NOS1AP: variants seen among roughly 807,000 people sequenced by gnomAD.
NOS1AP encodes the protein carboxyl-terminal PDZ ligand of neuronal nitric oxide synthase protein.
A neutral mutation model predicts 56.2 loss-of-function variants in NOS1AP; 21 were observed. The observed-to-expected ratio is 0.37, with a 90% CI of 0.26 to 0.54. NOS1AP has a LOEUF of 0.54. Ranked by LOEUF, NOS1AP falls within the 20% of genes least tolerant of loss-of-function variation. The probability of loss-of-function intolerance (pLI) is 0.84; values close to 1 mark genes in which losing one functional copy is unlikely to be tolerated. For missense variants in NOS1AP, 522 were observed against 657.8 expected (o/e 0.79, Z 2.26); for synonymous variants, 270 against 274.6 (o/e 0.98, Z 0.17).
chr1:162,255,373 C>T (rs889496442), intron 2 of NOS1AP, among the ~76,000 whole-genome samples: 2 of 152,140 alleles, frequency 1.3e-5, no homozygotes, highest in African/African-American at 4.8e-5. Context: ...GTGTCCTAGA[C>T]TCTTCCCCAA....
intron 4 of NOS1AP, among the ~76,000 whole-genome samples, chr1:162,331,465 C>G (rs1277815073): frequency 6.6e-6 from 1 of 152,122 alleles, no homozygotes; most frequent in Non-Finnish European, 1.5e-5. Context: ...ACTATTCTAC[C>G]TCCTCAATAA....
chr1:162,098,636 A>G (rs1488084233), intron 1 of NOS1AP, among the ~76,000 whole-genome samples: 1 of 151,992 alleles, frequency 6.6e-6, no homozygotes, highest in Non-Finnish European at 1.5e-5. Context: ...CCTAGCATCC[A>G]CGAGCTATTC....
At chr1:162,235,411 T>C (rs935815038) in intron 2 of NOS1AP, among the ~76,000 whole-genome samples, 1 of 152,160 alleles carries the variant, frequency 6.6e-6, no homozygotes, top group African/African-American at 2.4e-5. Context: ...AGCATGAGCC[T>C]TTGTTGCCTT....
intron 2 of NOS1AP, among the ~76,000 whole-genome samples, chr1:162,266,599 G>T (rs1247804106): frequency 4.6e-5 from 7 of 152,096 alleles, no homozygotes; most frequent in Non-Finnish European, 8.8e-5. Context: ...TTGCATTCTG[G>T]TTCATGGTCT....
chr1:162,132,037 C>A (rs981233561), intron 1 of NOS1AP, among the ~76,000 whole-genome samples: 4 of 152,268 alleles, frequency 2.6e-5, no homozygotes, highest in African/African-American at 9.6e-5. Flanking sequence ...AAATGACTAT[C>A]AAGAAATCTA....
chr1:162,127,904 AG>A (rs565541320), intron 1 of NOS1AP, among the ~76,000 whole-genome samples: 53 of 152,344 alleles, frequency 3.5e-4, no homozygotes, highest in Admixed American at 4.6e-4. Context: ...ACTAAGAATA[AG>A]AACAAACCTC....
chr1:162,091,924 C>T (rs1012964071), intron 1 of NOS1AP, among the ~76,000 whole-genome samples: 2 of 152,102 alleles, frequency 1.3e-5, no homozygotes, highest in Non-Finnish European at 2.9e-5. Flanking sequence ...GCAGAATATA[C>T]AGGAAGAATC....
intron 2 of NOS1AP, among the ~76,000 whole-genome samples, chr1:162,256,701 G>A (rs1468396218): frequency 1.3e-5 from 2 of 152,188 alleles, no homozygotes; most frequent in African/African-American, 4.8e-5. Flanking sequence ...ACTCAAATGT[G>A]TAGCATATAT....
chr1:162,304,067 T>C (rs990598313), intron 4 of NOS1AP, among the ~76,000 whole-genome samples: 5 of 152,190 alleles, frequency 3.3e-5, no homozygotes, highest in Admixed American at 2.0e-4. Context: ...TTTTTCTGTT[T>C]TCTTCTAAAG....
intron 4 of NOS1AP, among the ~76,000 whole-genome samples, chr1:162,326,125 G>A (rs1185205203): frequency 6.6e-6 from 1 of 152,232 alleles, no homozygotes; most frequent in Non-Finnish European, 1.5e-5. Context: ...AAGGTTGAGA[G>A]AAGGAAAATA....
chr1:162,085,367 C>T (rs973283066), intron 1 of NOS1AP, among the ~76,000 whole-genome samples: 1 of 151,902 alleles, frequency 6.6e-6, no homozygotes, highest in Non-Finnish European at 1.5e-5. Flanking sequence ...TGGGAGCCTC[C>T]CCAGATAATT....
chr1:162,207,061 T>C (rs1219610754), intron 2 of NOS1AP, among the ~76,000 whole-genome samples: 2 of 152,214 alleles, frequency 1.3e-5, no homozygotes, highest in Non-Finnish European at 2.9e-5. Flanking sequence ...AGAAAAGCAG[T>C]CGCCAGTGGG....
intron 2 of NOS1AP, among the ~76,000 whole-genome samples, chr1:162,234,112 G>T (rs114957981): frequency 6.6e-6 from 1 of 152,264 alleles, no homozygotes; most frequent in Non-Finnish European, 1.5e-5. Context: ...AATGTGATTG[G>T]GCCCAGGAGA....
chr1:162,223,893 T>C (rs973012745), intron 2 of NOS1AP, among the ~76,000 whole-genome samples: 2 of 152,204 alleles, frequency 1.3e-5, no homozygotes, highest in African/African-American at 2.4e-5. Context: ...TGCATATGTA[T>C]GTATATATAA....
intron 2 of NOS1AP, among the ~76,000 whole-genome samples, chr1:162,195,879 G>A (rs28379491): frequency 0.058 from 8,885 of 152,242 alleles, 274 homozygotes; most frequent in Middle Eastern, 0.099. Flanking sequence ...AGCTTCTGGA[G>A]AGAAGTCATA....
At chr1:162,218,195 G>A (rs1353153920) in intron 2 of NOS1AP, among the ~76,000 whole-genome samples, 1 of 152,116 alleles carries the variant, frequency 6.6e-6, no homozygotes, top group Non-Finnish European at 1.5e-5. Flanking sequence ...AAGCAGTTCC[G>A]GGACTTAAAA....
intron 6 of NOS1AP, among the ~76,000 whole-genome samples, chr1:162,352,208 T>A (rs7539260): frequency 6.6e-6 from 1 of 152,000 alleles, no homozygotes; most frequent in Non-Finnish European, 1.5e-5. Flanking sequence ...TACAGGCATG[T>A]ACCACCATGC....
chr1:162,223,755 G>T (rs1011628583), intron 2 of NOS1AP, among the ~76,000 whole-genome samples: 3 of 152,104 alleles, frequency 2.0e-5, no homozygotes, highest in African/African-American at 4.8e-5. Flanking sequence ...CAAAGCATGC[G>T]CCTTGCAGTT....
intron 2 of NOS1AP, among the ~76,000 whole-genome samples, chr1:162,160,845 G>C (rs1012033827): frequency 6.6e-6 from 1 of 152,144 alleles, no homozygotes; most frequent in Non-Finnish European, 1.5e-5. Context: ...AAACTTAGCG[G>C]CTTAACACAA....
Sources: allele counts gnomAD v4.1 joint callset (sites outside exome capture counted in the v4.1 genomes callset), GRCh38; gene constraint gnomAD v4.1.1; transcripts MANE v1.5; gene names NCBI Gene and HGNC (gene_info 2026-07-23, HGNC 2026-07-21).